The following LIN28B variants were observed in gnomAD, a reference collection of about 807,000 sequenced individuals.
LIN28B encodes protein lin-28 homolog B.
In LIN28B, 5 loss-of-function variants were observed where a neutral mutation model predicts 21.9. That is an observed-to-expected ratio of 0.23 (90% CI 0.12 to 0.48). LIN28B has a LOEUF of 0.48. Among genes scored for constraint, LIN28B ranks in the 20% least tolerant of loss-of-function variants. The probability of loss-of-function intolerance (pLI) is 0.98; values close to 1 mark genes in which losing one functional copy is unlikely to be tolerated. For synonymous variants in LIN28B, 109 were observed against 111.3 expected, an observed-to-expected ratio of 0.98 and a Z score of 0.13; for missense variants, 245 against 310.5, an observed-to-expected ratio of 0.79 and a Z score of 1.58.
rs1202921153 is a variant in LIN28B, at chr6:105,082,497, T to A, written c.*3714T>A. 1 of 152,684 alleles carries A rather than the reference T, an allele frequency of 6.5e-6. No individual in the cohort carries two copies. The highest frequency in any genetic ancestry group is 1.5e-5 in the Non-Finnish European group (1 of 68,046). The allele number at this position is 152,684 out of a possible 1,614,324, so 9.5% of individuals were successfully genotyped here. A position where few individuals can be genotyped will look rare whatever the true frequency, so the allele number is the denominator to read the frequency against. On this transcript the variant is annotated 3_prime_UTR_variant, in exon 4 of 4. Transcript: ENST00000345080. ...TTATCTGTTTTCTCTAAGAAATGTTTATCATAAAATATATATGTGTATTTC... is the reference window on the plus strand; with the variant it reads ...TTATCTGTTTTCTCTAAGAAATGTTAATCATAAAATATATATGTGTATTTC...
intron 2 of LIN28B, among the ~76,000 whole-genome samples, chr6:104,982,575 A>C (rs1770248974): frequency 6.6e-6 from 1 of 152,140 alleles, no homozygotes; most frequent in Non-Finnish European, 1.5e-5. Flanking sequence ...AATCTCCATG[A>C]TAGGAGGATA....
At chr6:105,003,053 T>C (rs1023303485) in intron 2 of LIN28B, among the ~76,000 whole-genome samples, 2 of 152,174 alleles carry the variant, frequency 1.3e-5, no homozygotes, top group African/African-American at 4.8e-5. Context: ...AAATTGTAGG[T>C]TTAAATGAAA....
chr6:104,973,713 G>A (rs1291212423), intron 2 of LIN28B, among the ~76,000 whole-genome samples: 1 of 152,192 alleles, frequency 6.6e-6, no homozygotes, highest in Non-Finnish European at 1.5e-5. Context: ...AATTACTTTA[G>A]AATTTATTTT....
At chr6:105,054,967 GT>G (rs977664903) in intron 3 of LIN28B, among the ~76,000 whole-genome samples, 2 of 151,484 alleles carry the variant, frequency 1.3e-5, no homozygotes, top group Non-Finnish European at 2.9e-5. Context: ...AATTGAAAGG[GT>G]TTTTTTTAAA....
intron 2 of LIN28B, chr6:104,940,749 CGGA>C (rs981826890): frequency 4.0e-5 from 6 of 151,042 alleles, no homozygotes; most frequent in Admixed American, 3.3e-4. Context: ...GCTGCGGCGG[CGGA>C]GTGGTGGCGA....
intron 2 of LIN28B, among the ~76,000 whole-genome samples, chr6:104,938,979 T>A (rs1475271607): frequency 6.6e-6 from 1 of 152,172 alleles, no homozygotes; most frequent in Non-Finnish European, 1.5e-5. Flanking sequence ...TTCTCAGGAC[T>A]TTAAATAGGT....
At chr6:104,976,009 T>C (rs1328924852) in intron 2 of LIN28B, among the ~76,000 whole-genome samples, 1 of 151,920 alleles carries the variant, frequency 6.6e-6, no homozygotes, top group Non-Finnish European at 1.5e-5. Flanking sequence ...ATGAAGAAAA[T>C]GATCATAGAA....
At chr6:105,057,409 A>G (rs1410056927) in intron 3 of LIN28B, among the ~76,000 whole-genome samples, 2 of 152,222 alleles carry the variant, frequency 1.3e-5, no homozygotes, top group African/African-American at 2.4e-5. Context: ...TTTGGCTCCT[A>G]CACTTATACC....
Position 104,986,999 on chromosome 6 carries a change from C to G in LIN28B, c.198+28713C>G, listed in dbSNP as rs185468554. On this transcript the variant is annotated intron_variant, in intron 2 of 3. Transcript: ENST00000345080. Reference sequence around the variant, plus strand: ...TCTTTGTTTTTCAGACATACCAAAGCATGTATACCCTGAACTGCAATTCTT... The same window carrying G: ...TCTTTGTTTTTCAGACATACCAAAGGATGTATACCCTGAACTGCAATTCTT... Among the ~76,000 whole-genome samples, 315 of 152,278 alleles carry G rather than the reference C, an allele frequency of 2.1e-3. 1 individual carries two copies. Among genetic ancestry groups the G allele is most frequent in the African/African-American group, 7.2e-3 (299 of 41,566 alleles).
rs1479789920 is a variant in LIN28B at position 105,082,909 on chromosome 6, C to T, written c.*4126C>T. The T allele has an allele frequency of 6.6e-6, 1 of 152,650 alleles. No individual in the cohort carries two copies. Among genetic ancestry groups the T allele is most frequent in the African/African-American group, 2.4e-5 (1 of 41,458 alleles). 9.5% of individuals were successfully genotyped at this position (152,650 alleles called of 1,614,324 possible). ...GAATCACATCTATCAACCACTGGCACCTACCACCAAGCTGGCTTCAATTAG... is the reference window on the plus strand; with the variant it reads ...GAATCACATCTATCAACCACTGGCATCTACCACCAAGCTGGCTTCAATTAG... On this transcript the variant is annotated 3_prime_UTR_variant, in exon 4 of 4. Coordinates refer to ENST00000345080, the MANE Select transcript of LIN28B (RefSeq NM_001004317.4).
intron 2 of LIN28B, among the ~76,000 whole-genome samples, chr6:104,982,566 A>G (rs1159894520): frequency 2.6e-5 from 4 of 152,282 alleles, no homozygotes; most frequent in Middle Eastern, 3.4e-3. Context: ...TATGCTGTCA[A>G]TCTCCATGAT....
chr6:104,961,024 A>G (rs1769728612), intron 2 of LIN28B, among the ~76,000 whole-genome samples: 1 of 152,132 alleles, frequency 6.6e-6, no homozygotes, highest in East Asian at 1.9e-4. Flanking sequence ...AGATTCTGCT[A>G]TTTGAGGATG....
At chr6:105,071,613 A>G (rs943052513) in intron 3 of LIN28B, among the ~76,000 whole-genome samples, 2 of 152,170 alleles carry the variant, frequency 1.3e-5, no homozygotes, top group Non-Finnish European at 2.9e-5. Flanking sequence ...GTCAGAGAGT[A>G]TGTGTATTAA....
At chr6:104,937,495 G>C (rs879513081) in intron 2 of LIN28B, among the ~76,000 whole-genome samples, 1 of 152,110 alleles carries the variant, frequency 6.6e-6, no homozygotes, top group Non-Finnish European at 1.5e-5. Context: ...CAACTCCTGG[G>C]CTCAAGTGAT....
chr6:105,050,672 T>C (rs1771883337), intron 3 of LIN28B, among the ~76,000 whole-genome samples: 1 of 146,640 alleles, frequency 6.8e-6, no homozygotes, highest in East Asian at 2.0e-4. Context: ...TTCTGGCTTG[T>C]AGAGTTTCTG....
At chr6:104,972,471 T>G (rs955665753) in intron 2 of LIN28B, among the ~76,000 whole-genome samples, 3 of 152,206 alleles carry the variant, frequency 2.0e-5, no homozygotes, top group African/African-American at 7.2e-5. Flanking sequence ...GAATTTTTCT[T>G]TAACTTCTGT....
chr6:104,980,314 T>C (rs1334907318), intron 2 of LIN28B, among the ~76,000 whole-genome samples: 1 of 152,216 alleles, frequency 6.6e-6, no homozygotes, highest in Admixed American at 6.5e-5. Flanking sequence ...GAGATGAGTT[T>C]TTATCTCTTT....
chr6:105,029,146 G>T (rs1771364001), intron 3 of LIN28B, among the ~76,000 whole-genome samples: 1 of 152,178 alleles, frequency 6.6e-6, no homozygotes. Flanking sequence ...CGTGGGTTGT[G>T]TTCAATACAG....
chr6:105,020,957 G>A lies in LIN28B; in HGVS notation c.199-5341G>A, dbSNP rs943858761. On this transcript the variant is annotated intron_variant, in intron 2 of 3. Transcript: ENST00000345080. ...TTTTTAGTAGAAATGGGGTTTCACC[G>A]TGTTAGCCAGGATGGTCTTGATTTC... Among the ~76,000 whole-genome samples the A allele has an allele frequency of 9.2e-5, 14 of 151,526 alleles. 1 individual carries two copies. In the Middle Eastern group the frequency reaches 0.014, roughly 149 times the overall value.
Sources: allele counts gnomAD v4.1 joint callset (sites outside exome capture counted in the v4.1 genomes callset), GRCh38; gene constraint gnomAD v4.1.1; transcripts MANE v1.5; gene names NCBI Gene and HGNC (gene_info 2026-07-23, HGNC 2026-07-21).